Variants in PDSS1 observed in about 807,000 individuals in gnomAD.
The protein encoded by PDSS1 is all trans-polyprenyl-diphosphate synthase PDSS1.
PDSS1 carries 43 observed loss-of-function variants against 57.5 expected under a neutral mutation model. The observed-to-expected ratio is 0.75, with a 90% CI of 0.59 to 0.96. PDSS1 has a LOEUF of 0.96. Ranked by LOEUF, PDSS1 falls within the 50% of genes least tolerant of loss-of-function variation. PDSS1 has a pLI of 0.00. For synonymous variants in PDSS1, 175 were observed against 191.3 expected, an observed-to-expected ratio of 0.91 and a Z score of 0.70; for missense variants, 438 against 527.8, an observed-to-expected ratio of 0.83 and a Z score of 1.67.
At chr10:26,728,020 G>A (rs1836020219) in intron 8 of PDSS1, among the ~76,000 whole-genome samples, 1 of 152,148 alleles carries the variant, frequency 6.6e-6, no homozygotes, top group South Asian at 2.1e-4. Context: ...GTGCTGTCTT[G>A]TCTGTCCCAT....
intron 8 of PDSS1, among the ~76,000 whole-genome samples, chr10:26,724,464 C>T (rs865796231): frequency 8.5e-5 from 13 of 152,326 alleles, no homozygotes; most frequent in Admixed American, 2.0e-4. Context: ...CACACTCTTT[C>T]TGACACTTCA....
chr10:26,737,722 C>CAAAA (rs200552153), intron 10 of PDSS1, among the ~76,000 whole-genome samples: 8 of 73,558 alleles, frequency 1.1e-4, no homozygotes, highest in East Asian at 3.8e-4. Context: ...GACTCCGTCT[C>CAAAA]AAAAAAAAAA....
intron 6 of PDSS1, among the ~76,000 whole-genome samples, chr10:26,722,111 G>A (rs147432005): frequency 7.3e-4 from 111 of 152,218 alleles, no homozygotes; most frequent in Middle Eastern, 6.8e-3. Context: ...GGATCTCCCC[G>A]GCCAGGTGAA....
intron 8 of PDSS1, among the ~76,000 whole-genome samples, chr10:26,730,013 C>T (rs997773800): frequency 2.7e-5 from 4 of 148,468 alleles, no homozygotes; most frequent in East Asian, 2.1e-4. Flanking sequence ...CCCGGGTTCA[C>T]GCCATTCTCC....
In PDSS1 at chr10:26,705,025, A is replaced by C. The variant is rs563685486; in HGVS notation, c.228-261A>C. Reference sequence around the variant, plus strand: ...AGGAATATAATAAAGTTTGAGCTCAACCCAGAGCACAATGAACATAGTTTA... The same window carrying C: ...AGGAATATAATAAAGTTTGAGCTCACCCCAGAGCACAATGAACATAGTTTA... On this transcript the variant is annotated intron_variant, in intron 3 of 11. Coordinates refer to ENST00000376215, the MANE Select transcript of PDSS1 (RefSeq NM_014317.5). 2.6e-5 allele frequency among the ~76,000 whole-genome samples: 4 copies of C among 152,146 alleles called. No homozygotes were observed. In the South Asian group the frequency reaches 8.3e-4, roughly 32 times the overall value.
intron 2 of PDSS1, among the ~76,000 whole-genome samples, chr10:26,703,451 A>G (rs1255787232): frequency 6.6e-6 from 1 of 151,970 alleles, no homozygotes; most frequent in Admixed American, 6.6e-5. Context: ...TTCTAATAAT[A>G]GTAACTATTA....
intron 11 of PDSS1, among the ~76,000 whole-genome samples, chr10:26,743,988 T>C (rs1315525041): frequency 6.6e-6 from 1 of 151,930 alleles, no homozygotes; most frequent in East Asian, 1.9e-4. Flanking sequence ...TTTAAATGAG[T>C]AAGAGCAAGT....
At chr10:26,724,985 G>A (rs1394993657) in intron 8 of PDSS1, among the ~76,000 whole-genome samples, 1 of 151,678 alleles carries the variant, frequency 6.6e-6, no homozygotes, top group African/African-American at 2.4e-5. Context: ...TTTTCCCCTT[G>A]CTTTCTCCCT....
intron 5 of PDSS1, chr10:26,715,657 A>G (rs936350861): frequency 6.6e-6 from 1 of 152,128 alleles, no homozygotes; most frequent in East Asian, 1.9e-4. Context: ...TCCCCCTCCC[A>G]AAGTGCTGAG....
intron 10 of PDSS1, among the ~76,000 whole-genome samples, chr10:26,741,352 C>T (rs542093504): frequency 3.2e-4 from 49 of 152,184 alleles, no homozygotes; most frequent in East Asian, 1.2e-3. Context: ...GGTGTGGTGG[C>T]GCACACCTGT....
At chr10:26,742,473 A>G (rs1836656442) in intron 10 of PDSS1, 24 bp from the exon 11 acceptor site, 5 of 1,544,372 alleles carry the variant, frequency 3.2e-6, no homozygotes, top group African/African-American at 1.4e-5. Context: ...AGATTTTCTC[A>G]GATTTTCTCT....
Position 26,734,565 on chromosome 10 carries a change from A to T in PDSS1, c.832-675A>T, listed in dbSNP as rs916715549. 7.5e-6 allele frequency: 3 copies of T among 402,274 alleles called. No individual in the cohort carries two copies. The Admixed American group carries it at 9.4e-5, about 13-fold the overall frequency. 24.9% of individuals were successfully genotyped at this position (402,274 alleles called of 1,614,324 possible). A position where few individuals can be genotyped will look rare whatever the true frequency, so the allele number is the denominator to read the frequency against. ...TATTTCTCCCCCATTGAAAGGAGGG[A>T]AAAGGGTTTTTATACAGTTACTTCT... On this transcript the variant is annotated intron_variant, in intron 8 of 11. Coordinates refer to ENST00000376215, the MANE Select transcript of PDSS1 (RefSeq NM_014317.5).
intron 11 of PDSS1, among the ~76,000 whole-genome samples, chr10:26,744,368 T>TTTTA (rs986365642): frequency 1.3e-5 from 2 of 150,848 alleles, no homozygotes; most frequent in African/African-American, 4.9e-5. Context: ...CACTATTTTA[T>TTTTA]TTTATTTTTA....
intron 8 of PDSS1, among the ~76,000 whole-genome samples, chr10:26,729,538 GCTC>G (rs1836090966): frequency 6.6e-6 from 1 of 152,078 alleles, no homozygotes; most frequent in South Asian, 2.1e-4. Context: ...GAGAGACCTG[GCTC>G]CTCTTCTCCG....
chr10:26,715,761 C>T (rs1005537781), intron 5 of PDSS1: 2 of 152,118 alleles, frequency 1.3e-5, no homozygotes, highest in African/African-American at 4.8e-5. Flanking sequence ...TCCATAGTAC[C>T]CTGGACCCTA....
chr10:26,735,491 C>A lies in PDSS1; in HGVS notation c.938C>A (p.Thr313Asn), dbSNP rs757970690. The A allele has an allele frequency of 1.2e-6, 2 of 1,612,956 alleles. No homozygotes were observed. Among genetic ancestry groups the A allele is most frequent in the Non-Finnish European group, 1.7e-6 (2 of 1,178,922 alleles). The change falls in exon 10 of 12, where the codon ACC becomes AAC. Residue 313 changes from threonine to asparagine, a missense_variant. Physicochemically the swap from Thr to Asn is moderately conservative, Grantham distance 65. Around this residue, in one of 2 missense-constraint regions of PDSS1, gnomAD observed 284 missense variants for 390.7 expected, o/e 0.73. Transcript: ENST00000376215. ...CTAATAGATGATGTATTGGACTTCA[C>A]CTCGTGTTCTGACCAGATGGGCAAA... ...FQLIDDVLDF[T>N]SCSDQMGKPT...
At chr10:26,716,342 G>A (rs1835576282) in intron 5 of PDSS1, among the ~76,000 whole-genome samples, 1 of 152,178 alleles carries the variant, frequency 6.6e-6, no homozygotes, top group South Asian at 2.1e-4. Flanking sequence ...AGGATTCACT[G>A]GTAGGGTCAT....
intron 11 of PDSS1, among the ~76,000 whole-genome samples, chr10:26,744,483 C>T (rs972073423): frequency 3.3e-5 from 5 of 152,134 alleles, no homozygotes; most frequent in African/African-American, 1.2e-4. Flanking sequence ...CTCCGCCTCC[C>T]GGGTTCAAGT....
At chr10:26,738,461 T>C (rs892368601) in intron 10 of PDSS1, among the ~76,000 whole-genome samples, 6 of 152,224 alleles carry the variant, frequency 3.9e-5, no homozygotes, top group Non-Finnish European at 8.8e-5. Flanking sequence ...GTAGCTATGA[T>C]ACCACACAGG....
Sources: gnomAD v4.1 joint callset for allele counts (sites outside exome capture counted in the v4.1 genomes callset) on GRCh38, gnomAD v4.1.1 for gene constraint, gnomAD v4.1.1 regional missense constraint, MANE v1.5 for transcripts, NCBI Gene and HGNC (gene_info 2026-07-23, HGNC 2026-07-21) for gene names.